The following ASAP2 variants were observed in gnomAD, a reference collection of about 807,000 sequenced individuals.
ASAP2 encodes the protein ArfGAP with SH3 domain, ankyrin repeat and PH domain 2, also known as arf-GAP with SH3 domain, ANK repeat and PH domain-containing protein 2.
In ASAP2, 45 loss-of-function variants were observed where a neutral mutation model predicts 131.4. The ratio of observed to expected loss-of-function variants is 0.34; its 90% CI spans 0.27 to 0.44. The LOEUF is 0.44. ASAP2 is among the 20% of genes least tolerant of loss of function. The probability of loss-of-function intolerance (pLI) is 1.00; values close to 1 mark genes in which losing one functional copy is unlikely to be tolerated. For synonymous variants in ASAP2, 510 were observed against 503.0 expected, an observed-to-expected ratio of 1.01 and a Z score of -0.19; for missense variants, 1,011 against 1,297.0, an observed-to-expected ratio of 0.78 and a Z score of 3.39.
At chr2:9,339,205 G>A (rs893502668) in intron 9 of ASAP2, among the ~76,000 whole-genome samples, 26 of 152,026 alleles carry the variant, frequency 1.7e-4, no homozygotes, top group African/African-American at 4.8e-4. Context: ...AACTGGGGAC[G>A]GGGCAGGAGT....
intron 15 of ASAP2, among the ~76,000 whole-genome samples, chr2:9,363,180 T>A (rs1276678970): frequency 6.6e-6 from 1 of 152,222 alleles, no homozygotes. Context: ...ACCACATTTT[T>A]AAAATCCATT....
At chr2:9,390,927 G>T in intron 22 of ASAP2, 135 bp from the exon 23 acceptor site, 5 of 1,327,250 alleles carry the variant, frequency 3.8e-6, no homozygotes, top group Admixed American at 2.0e-5. Context: ...AGCATTGAGG[G>T]TTCTAGGTAG....
chr2:9,361,974 C>CGCGTGTGTGTGTGT (rs753445297), intron 15 of ASAP2, among the ~76,000 whole-genome samples: 3 of 143,172 alleles, frequency 2.1e-5, no homozygotes, highest in African/African-American at 5.1e-5. Context: ...TCTTTCTCTG[C>CGCGTGTGTGTGTGT]GTGTGTGTGT....
intron 1 of ASAP2, among the ~76,000 whole-genome samples, chr2:9,223,735 C>T (rs1662583042): frequency 6.6e-6 from 1 of 152,064 alleles, no homozygotes; most frequent in Non-Finnish European, 1.5e-5. Context: ...CAGAAAAGAC[C>T]ATGTTGTGAA....
intron 24 of ASAP2, among the ~76,000 whole-genome samples, chr2:9,397,503 C>G (rs1191881411): frequency 6.6e-6 from 1 of 151,916 alleles, no homozygotes; most frequent in Non-Finnish European, 1.5e-5. Context: ...TGTAAAGGAA[C>G]ACACCGGTAC....
intron 9 of ASAP2, among the ~76,000 whole-genome samples, chr2:9,336,939 G>A (rs1671243603): frequency 6.6e-6 from 1 of 152,242 alleles, no homozygotes; most frequent in Non-Finnish European, 1.5e-5. Flanking sequence ...GCAGCTGCTG[G>A]GGCCAAATGG....
intron 3 of ASAP2, among the ~76,000 whole-genome samples, chr2:9,298,664 G>A (rs981259754): frequency 6.6e-6 from 1 of 152,130 alleles, no homozygotes; most frequent in African/African-American, 2.4e-5. Context: ...GGGAAAGAGT[G>A]GAGATTTTTT....
chr2:9,380,467 G>C (rs1489361921), intron 19 of ASAP2, among the ~76,000 whole-genome samples: 1 of 152,118 alleles, frequency 6.6e-6, no homozygotes, highest in East Asian at 1.9e-4. Context: ...CAAAGTGCTG[G>C]GATTACAGGC....
At chr2:9,387,728 T>A (rs1181854280) in intron 21 of ASAP2, among the ~76,000 whole-genome samples, 2 of 152,190 alleles carry the variant, frequency 1.3e-5, no homozygotes, top group East Asian at 1.9e-4. Flanking sequence ...AATTAACAGA[T>A]TTTTTGGTAT....
intron 16 of ASAP2, among the ~76,000 whole-genome samples, chr2:9,374,400 G>A (rs114284749): frequency 1.2e-3 from 186 of 152,294 alleles, no homozygotes; most frequent in Middle Eastern, 6.8e-3. Context: ...TCCTGGGGGA[G>A]GAGGCGCAGG....
At position 9,378,989 on chromosome 2, in the gene ASAP2, C is replaced by T; in HGVS notation, c.1878C>T (p.His626=). 2 of 1,569,928 alleles carry T rather than the reference C, an allele frequency of 1.3e-6. No homozygotes were observed. Among genetic ancestry groups the T allele is most frequent in the Non-Finnish European group, 1.7e-6 (2 of 1,157,090 alleles). Residue 626 remains histidine, a synonymous_variant, in exon 19 of 28, where the codon CAC becomes CAT. Transcript: ENST00000281419. ...CAGGGAAAGGCAGCACAGCCCTGCA[C>T]TACTGCTGCCTGACCGACAATGCCG... The part of the protein sequence containing the change: ...KQTGKGSTAL[H]YCCLTDNAEC...
At chr2:9,314,979 G>A (rs1049047503) in intron 3 of ASAP2, among the ~76,000 whole-genome samples, 1 of 151,874 alleles carries the variant, frequency 6.6e-6, no homozygotes, top group Admixed American at 6.6e-5. Flanking sequence ...GGGGGAGGGA[G>A]GGATCACATT....
chr2:9,331,995 G>A (rs534397987), intron 7 of ASAP2, among the ~76,000 whole-genome samples: 12 of 152,216 alleles, frequency 7.9e-5, no homozygotes, highest in Middle Eastern at 3.4e-3. Context: ...ATGTGGTGGC[G>A]TGAAGGCTGC....
intron 21 of ASAP2, among the ~76,000 whole-genome samples, chr2:9,386,865 A>T (rs1482481418): frequency 6.6e-6 from 1 of 152,236 alleles, no homozygotes; most frequent in Non-Finnish European, 1.5e-5. Context: ...AATAGAAGTT[A>T]GGTCTAAGTT....
At position 9,289,127 on chromosome 2, in the gene ASAP2, A is replaced by G. The variant is rs921712667; in HGVS notation, c.200-8173A>G. 3.7e-4 allele frequency among the ~76,000 whole-genome samples: 56 copies of G among 152,268 alleles called. 1 individual carries two copies. The highest frequency in any genetic ancestry group is 1.3e-3 in the African/African-American group (56 of 41,548). The stretch of plus-strand genomic sequence containing the variant: ...GTGTTGGCAGGTACCAAGGTTTATT[A>G]TCTTTCTTGAATGCAGATCTCTTAG... On this transcript the variant is annotated intron_variant, in intron 2 of 27. Coordinates refer to ENST00000281419, the MANE Select transcript of ASAP2 (RefSeq NM_003887.3).
intron 11 of ASAP2, among the ~76,000 whole-genome samples, chr2:9,345,587 A>T (rs944213108): frequency 3.3e-5 from 5 of 152,204 alleles, no homozygotes; most frequent in African/African-American, 7.2e-5. Flanking sequence ...CTCAAGGCCG[A>T]GGTCGTTGCC....
intron 1 of ASAP2, among the ~76,000 whole-genome samples, chr2:9,257,629 C>T (rs890179801): frequency 1.3e-5 from 2 of 152,190 alleles, no homozygotes; most frequent in Admixed American, 1.3e-4. Context: ...AGCTATTCTC[C>T]TGCCTCAGCC....
chr2:9,266,422 C>T (rs1665957000), intron 1 of ASAP2, among the ~76,000 whole-genome samples: 2 of 152,200 alleles, frequency 1.3e-5, no homozygotes, highest in African/African-American at 2.4e-5. Flanking sequence ...GTTGGGGTTA[C>T]AAGCATGAGC....
intron 11 of ASAP2, among the ~76,000 whole-genome samples, chr2:9,350,050 C>A (rs1036221321): frequency 1.3e-5 from 2 of 152,202 alleles, no homozygotes; most frequent in Non-Finnish European, 2.9e-5. Flanking sequence ...AGGTATTCTG[C>A]TGTTCGAAAT....
Sources: allele counts gnomAD v4.1 joint callset (sites outside exome capture counted in the v4.1 genomes callset), GRCh38; gene constraint gnomAD v4.1.1; transcripts MANE v1.5; gene names NCBI Gene and HGNC (gene_info 2026-07-23, HGNC 2026-07-21).